The following KIF13A variants were observed in gnomAD, a reference collection of about 807,000 sequenced individuals.
The protein encoded by KIF13A is kinesin family member 13A.
Under a neutral mutation model 212.2 loss-of-function variants are expected in KIF13A, and 79 were observed. The ratio of observed to expected loss-of-function variants is 0.37; its 90% CI spans 0.31 to 0.45. The LOEUF (loss-of-function observed/expected upper bound fraction) is 0.45. Among genes scored for constraint, KIF13A ranks in the 20% least tolerant of loss-of-function variants. KIF13A has a pLI of 1.00. For missense variants in KIF13A, 1,901 were observed against 2,209.0 expected, an observed-to-expected ratio of 0.86 and a Z score of 2.79; for synonymous variants, 789 against 808.6, an observed-to-expected ratio of 0.98 and a Z score of 0.41.
At position 17,773,677 on chromosome 6, in the gene KIF13A, C is replaced by A; in HGVS notation, c.4219-94G>T. On this transcript the variant is annotated intron_variant, in intron 35 of 38. Coordinates refer to ENST00000259711, the MANE Select transcript of KIF13A (RefSeq NM_022113.6). This position sits in a 1 kb window ranked among gnomAD's most constrained non-coding sequence, Gnocchi z 4.2. ...AGTTTCTTCTGTTTTTTTTTAATGG[C>A]AGCATATGCTCTTCTTTATTTTTAT... is the stretch of plus-strand genomic sequence containing the variant. 3.4e-6 allele frequency: 2 copies of A among 590,632 alleles called. No individual in the cohort carries two copies. Among genetic ancestry groups the A allele is most frequent in the Admixed American group, 3.0e-5 (1 of 32,870 alleles). The allele number at this position is 590,632 out of a possible 1,614,324, so 36.6% of individuals were successfully genotyped here. A position where few individuals can be genotyped will look rare whatever the true frequency, so the allele number is the denominator to read the frequency against.
intron 16 of KIF13A, among the ~76,000 whole-genome samples, chr6:17,821,552 G>GGTGTGTGTGT (rs111387037): frequency 0.013 from 1,413 of 112,072 alleles, 68 homozygotes; most frequent in South Asian, 0.054. Context: ...ATTGGGACAT[G>GGTGTGTGTGT]GTGTGTGTGT....
rs1776295358 is a variant in KIF13A, at chr6:17,934,624, C to T, written c.147-36444G>A. On this transcript the variant is annotated intron_variant, in intron 2 of 38. Transcript: ENST00000259711. This position sits in a 1 kb window ranked among gnomAD's most constrained non-coding sequence, Gnocchi z 5.4. ...GCAACATAGGGAAACCCTGTCTCTACAAAAATATTAAAAATTAGCAGGGCA... is the reference window on the plus strand; with the variant it reads ...GCAACATAGGGAAACCCTGTCTCTATAAAAATATTAAAAATTAGCAGGGCA... Among the ~76,000 whole-genome samples, 2 of 151,746 alleles carry T rather than the reference C, an allele frequency of 1.3e-5. No homozygotes were observed. Among genetic ancestry groups the T allele is most frequent in the South Asian group, 4.2e-4 (2 of 4,816 alleles).
At position 17,794,273 on chromosome 6, in the gene KIF13A, G is replaced by A; in HGVS notation, c.3198C>T (p.Leu1066=). 1 of 1,613,282 alleles carries A rather than the reference G, an allele frequency of 6.2e-7. No individual in the cohort carries two copies. The highest frequency in any genetic ancestry group is 8.5e-7 in the Non-Finnish European group (1 of 1,179,400). Residue 1066 remains leucine (L), a synonymous_variant, in exon 25 of 39, where the codon CTC becomes CTT. Coordinates refer to ENST00000259711, the MANE Select transcript of KIF13A (RefSeq NM_022113.6). The surrounding 1 kb of genome is among the most constrained non-coding windows in gnomAD (Gnocchi z 4.1). ...IGCVTARSTK[L]QRGLDSYQRD... is the part of the protein sequence containing the mutation. ...CCTGGTAACTGTCCAGCCCTCTTTG[G>A]AGTTTGGTGGACCTGGCAGTTACAC...
At position 17,830,088 on chromosome 6, in the gene KIF13A, T is replaced by C. The variant is rs1239078560; in HGVS notation, c.1401+1013A>G. Among the ~76,000 whole-genome samples the C allele has an allele frequency of 2.0e-5, 3 of 152,212 alleles. No individual in the cohort carries two copies. In the East Asian group the frequency reaches 5.8e-4, roughly 29 times the overall value. Reference sequence around the variant, plus strand: ...CCCTGATGGTTGGCTGAATGCCTTATGTCAGTCACAGTGTCCTAAATCAAT... The same window carrying C: ...CCCTGATGGTTGGCTGAATGCCTTACGTCAGTCACAGTGTCCTAAATCAAT... On this transcript the variant is annotated intron_variant, in intron 13 of 38. Transcript: ENST00000259711.
intron 2 of KIF13A, among the ~76,000 whole-genome samples, chr6:17,965,359 T>C (rs1363361498): frequency 1.3e-5 from 2 of 152,232 alleles, no homozygotes; most frequent in Admixed American, 1.3e-4. Flanking sequence ...CTAAGAATAG[T>C]ATTCAAATAT....
chr6:17,865,965 A>G, intron 4 of KIF13A, among the ~76,000 whole-genome samples: 1 of 152,204 alleles, frequency 6.6e-6, no homozygotes, highest in Non-Finnish European at 1.5e-5. Flanking sequence ...TGCTGGACAC[A>G]GTGGCTGATT....
intron 2 of KIF13A, among the ~76,000 whole-genome samples, chr6:17,910,372 G>A: frequency 6.6e-6 from 1 of 152,178 alleles, no homozygotes; most frequent in Non-Finnish European, 1.5e-5. Flanking sequence ...GTCTATATGT[G>A]TATTTCCAAA....
chr6:17,835,252 G>GA (rs1765844754), intron 11 of KIF13A, among the ~76,000 whole-genome samples: 1 of 100,336 alleles, frequency 1.0e-5, no homozygotes, highest in Non-Finnish European at 2.1e-5. Context: ...AACAGAAAAA[G>GA]AAAATTCTAG....
intron 9 of KIF13A, among the ~76,000 whole-genome samples, chr6:17,840,219 T>G (rs1014331494): frequency 6.6e-6 from 1 of 152,118 alleles, no homozygotes; most frequent in Admixed American, 6.5e-5. Flanking sequence ...TGGTGAATTA[T>G]ATTGTATGTG....
At chr6:17,911,366 T>C (rs1284145345) in intron 2 of KIF13A, among the ~76,000 whole-genome samples, 1 of 152,230 alleles carries the variant, frequency 6.6e-6, no homozygotes, top group Non-Finnish European at 1.5e-5. Flanking sequence ...ACAATTCTTG[T>C]TAGAGGACTC....
intron 2 of KIF13A, among the ~76,000 whole-genome samples, chr6:17,975,178 T>C (rs1780221800): frequency 6.6e-6 from 1 of 152,056 alleles, no homozygotes; most frequent in African/African-American, 2.4e-5. Flanking sequence ...ACCCTATCTC[T>C]ACTAAAAATA....
chr6:17,873,286 A>C (rs933915323), intron 4 of KIF13A, 91 bp downstream of exon 4: 1 of 826,438 alleles, frequency 1.2e-6, no homozygotes, highest in Non-Finnish European at 1.9e-6. Context: ...TTACACAGGG[A>C]AAGTAAAACT....
chr6:17,985,573 C>T (rs1431938524), intron 2 of KIF13A, among the ~76,000 whole-genome samples: 1 of 138,128 alleles, frequency 7.2e-6, no homozygotes, highest in African/African-American at 2.8e-5. Context: ...CCTGTTCCCC[C>T]AGACTGCTTT....
chr6:17,957,832 C>A (rs188939081), intron 2 of KIF13A, among the ~76,000 whole-genome samples: 1 of 152,284 alleles, frequency 6.6e-6, no homozygotes, highest in Admixed American at 6.5e-5. Flanking sequence ...AGGCTTATCA[C>A]AATATTTAAA....
intron 3 of KIF13A, among the ~76,000 whole-genome samples, chr6:17,874,337 C>G (rs995617350): frequency 6.6e-6 from 1 of 151,020 alleles, no homozygotes; most frequent in Non-Finnish European, 1.5e-5. Context: ...TACAATTCCT[C>G]GAAAAGTAAA....
chr6:17,838,871 G>A lies in KIF13A; in HGVS notation c.831-1288C>T, dbSNP rs1482081503. Among the ~76,000 whole-genome samples, 1 of 152,162 alleles carries A rather than the reference G, an allele frequency of 6.6e-6. No homozygotes were observed. Among genetic ancestry groups the A allele is most frequent in the Non-Finnish European group, 1.5e-5 (1 of 68,036 alleles). On this transcript the variant is annotated intron_variant, in intron 9 of 38. Transcript: ENST00000259711. This position sits in a 1 kb window ranked among gnomAD's most constrained non-coding sequence, Gnocchi z 4.2. ...GCTCTGTCACCCAGGCTGGAGTTCA[G>A]TGGCATGATATGATTTTGGCTCAAT...
chr6:17,886,873 T>C lies in KIF13A; in HGVS notation c.159+11295A>G, dbSNP rs761481662. On this transcript the variant is annotated intron_variant, in intron 3 of 38. Transcript: ENST00000259711. This position sits in a 1 kb window ranked among gnomAD's most constrained non-coding sequence, Gnocchi z 5.6. ...CCTATGTTTCTGAGGATTGTTTTGT[T>C]GTCGTTGTTAAAAAGAGGAAAAAAA... Among the ~76,000 whole-genome samples, 1 of 151,860 alleles carries C rather than the reference T, an allele frequency of 6.6e-6. No individual in the cohort carries two copies. The highest frequency in any genetic ancestry group is 1.5e-5 in the Non-Finnish European group (1 of 67,976).
At chr6:17,884,657 C>T (rs937081668) in intron 3 of KIF13A, among the ~76,000 whole-genome samples, 5 of 152,232 alleles carry the variant, frequency 3.3e-5, no homozygotes, top group Admixed American at 6.5e-5. Flanking sequence ...ATCAAAAGGG[C>T]TTCCCTTGGG....
At position 17,809,799 on chromosome 6, in the gene KIF13A, G is replaced by A. The variant is rs866408077; in HGVS notation, c.2001-869C>T. The stretch of plus-strand genomic sequence containing the variant: ...AACTTCTCTTTTCCACCATTTATAC[G>A]CCGCAGGAAATGCTTACATCATAGA... On this transcript the variant is annotated intron_variant, in intron 17 of 38. Coordinates refer to ENST00000259711, the MANE Select transcript of KIF13A (RefSeq NM_022113.6). The surrounding 1 kb of genome is among the most constrained non-coding windows in gnomAD (Gnocchi z 4.7). 2.6e-5 allele frequency among the ~76,000 whole-genome samples: 4 copies of A among 152,262 alleles called. No homozygotes were observed. The highest frequency in any genetic ancestry group is 2.1e-4 in the South Asian group (1 of 4,832).
Sources: allele counts gnomAD v4.1 joint callset (sites outside exome capture counted in the v4.1 genomes callset), GRCh38; gene constraint gnomAD v4.1.1; non-coding constraint Gnocchi (gnomAD v3.1); transcripts MANE v1.5; gene names NCBI Gene and HGNC (gene_info 2026-07-23, HGNC 2026-07-21).